The following PPP2R1A variants were observed in gnomAD, a reference collection of about 807,000 sequenced individuals.
PPP2R1A encodes the protein serine/threonine-protein phosphatase 2A 65 kDa regulatory subunit A alpha isoform.
PPP2R1A carries 15 observed loss-of-function variants against 67.1 expected under a neutral mutation model. That is an observed-to-expected ratio of 0.22 (90% CI 0.15 to 0.34). The LOEUF (loss-of-function observed/expected upper bound fraction) is 0.34. Among genes scored for constraint, PPP2R1A ranks in the 10% least tolerant of loss-of-function variants. The pLI is 1.00. For missense variants in PPP2R1A, 369 were observed against 775.0 expected (o/e 0.48, Z 6.22); for synonymous variants, 337 against 325.0 (o/e 1.04, Z -0.40).
intron 13 of PPP2R1A, 114 bp from the exon 14 acceptor site, chr19:52,225,603 G>T: frequency 1.2e-6 from 1 of 867,132 alleles, no homozygotes; most frequent in East Asian, 2.5e-5. Flanking sequence ...TCCCACCTTG[G>T]GTTTGGTGTA....
At position 52,212,480 on chromosome 19, in the gene PPP2R1A, CTA is replaced by C. The variant is rs767682383; in HGVS notation, c.504-204_504-203del. Reference sequence around the variant, plus strand: ...CAATCTGCGAAGTGTCTCACACACACTATTTTCATTTAAACCTCATGCGGACC... The same window carrying C: ...CAATCTGCGAAGTGTCTCACACACACTTTTCATTTAAACCTCATGCGGACC... On this transcript the variant is annotated intron_variant, in intron 4 of 14. Transcript: ENST00000322088. This position sits in a 1 kb window ranked among gnomAD's most constrained non-coding sequence, Gnocchi z 4.1. The C allele has an allele frequency of 1.7e-6, 1 of 599,784 alleles. No homozygotes were observed. Among genetic ancestry groups the C allele is most frequent in the Non-Finnish European group, 2.9e-6 (1 of 343,274 alleles). 37.2% of individuals were successfully genotyped at this position (599,784 alleles called of 1,614,324 possible).
rs1209765678 is a variant in PPP2R1A at position 52,226,230 on chromosome 19, C to G, written c.*249C>G. The G allele has an allele frequency of 6.9e-6, 4 of 580,702 alleles. No individual in the cohort carries two copies. The highest frequency in any genetic ancestry group is 1.2e-5 in the Non-Finnish European group (4 of 330,048). 36.0% of individuals were successfully genotyped at this position (580,702 alleles called of 1,614,324 possible). On this transcript the variant is annotated 3_prime_UTR_variant, in exon 15 of 15. Transcript: ENST00000322088. ...CTTGGGAGGAAGGGGCTACTCCGCC[C>G]ACGTCAGGGAGAGATGTGAGCATCC...
intron 9 of PPP2R1A, among the ~76,000 whole-genome samples, chr19:52,218,974 A>G (rs2122358042): frequency 6.6e-6 from 1 of 152,358 alleles, no homozygotes; most frequent in African/African-American, 2.4e-5. Flanking sequence ...TTTTAGATTT[A>G]TAAACTTTAT....
chr19:52,215,694 G>T (rs1978523927), intron 6 of PPP2R1A, 85 bp from the exon 7 acceptor site: 1 of 1,095,026 alleles, frequency 9.1e-7, no homozygotes, highest in African/African-American at 1.6e-5. Flanking sequence ...CCTAATTCTG[G>T]TGCCTTCACT....
In PPP2R1A at chr19:52,211,444, C is replaced by T. The variant is rs267605629; in HGVS notation, c.455C>T (p.Ser152Phe). The T allele has an allele frequency of 1.2e-6, 2 of 1,613,942 alleles. No individual in the cohort carries two copies. The highest frequency in any genetic ancestry group is 1.7e-6 in the Non-Finnish European group (2 of 1,180,004). ...CGCACCTCGGCCTGCGGCCTCTTCT[C>T]CGTCTGCTACCCCCGAGTGTCCAGT... ...TSRTSACGLF[S>F]VCYPRVSSAV... is the part of the protein sequence containing the mutation. The change falls in exon 4 of 15, where the codon TCC becomes TTC. Residue 152 changes from serine (S) to phenylalanine (F), a missense_variant. This residue lies in a region of PPP2R1A where 93 missense variants were observed against 266.5 expected (regional missense o/e 0.35). Coordinates refer to ENST00000322088, the MANE Select transcript of PPP2R1A (RefSeq NM_014225.6). This position sits in a 1 kb window ranked among gnomAD's most constrained non-coding sequence, Gnocchi z 5.3.
intron 13 of PPP2R1A, among the ~76,000 whole-genome samples, chr19:52,222,937 T>C (rs1979030506): frequency 6.6e-6 from 1 of 152,260 alleles, no homozygotes; most frequent in Non-Finnish European, 1.5e-5. Context: ...AACTCATCTT[T>C]AGATTCAGTA....
chr19:52,207,342 A>G (rs2089614679), intron 3 of PPP2R1A, among the ~76,000 whole-genome samples: 1 of 152,072 alleles, frequency 6.6e-6, no homozygotes, highest in Non-Finnish European at 1.5e-5. Context: ...AGGACTTAGG[A>G]GCAGAAGACA....
chr19:52,196,761 C>G (rs1320318056), intron 1 of PPP2R1A, among the ~76,000 whole-genome samples: 1 of 152,146 alleles, frequency 6.6e-6, no homozygotes, highest in South Asian at 2.1e-4. Context: ...CAGGCTCTTA[C>G]CATTATGCGC....
intron 2 of PPP2R1A, among the ~76,000 whole-genome samples, chr19:52,205,327 G>GGGT (rs1271973373): frequency 2.0e-5 from 3 of 152,174 alleles, no homozygotes; most frequent in Non-Finnish European, 4.4e-5. Context: ...CATTCTTTCA[G>GGGT]CAAACCTGAA....
rs941417349 is a variant in PPP2R1A at position 52,212,326 on chromosome 19, C to T, written c.504-360C>T. Among the ~76,000 whole-genome samples, 5 of 152,222 alleles carry T rather than the reference C, an allele frequency of 3.3e-5. No homozygotes were observed. The highest frequency in any genetic ancestry group is 7.3e-5 in the Non-Finnish European group (5 of 68,044). On this transcript the variant is annotated intron_variant, in intron 4 of 14. Coordinates refer to ENST00000322088, the MANE Select transcript of PPP2R1A (RefSeq NM_014225.6). This position sits in a 1 kb window ranked among gnomAD's most constrained non-coding sequence, Gnocchi z 4.1. ...TCTTGAACTCCTGGGCTCAAGCAAT[C>T]CTCCTGCCTTGGTCTTCCAAAGTGT... is the stretch of plus-strand genomic sequence containing the variant.
rs545276376 is a variant in PPP2R1A, at chr19:52,216,271, A to C, written c.993+197A>C. On this transcript the variant is annotated intron_variant, in intron 8 of 14. Transcript: ENST00000322088. This position sits in a 1 kb window ranked among gnomAD's most constrained non-coding sequence, Gnocchi z 4.3. ...CTTAAAGGTGGAAGTACTTTCTAGA[A>C]CCTCAGATGTCACTGAGTCCTGTCA... 1.5e-4 allele frequency among the ~76,000 whole-genome samples: 23 copies of C among 152,088 alleles called. No individual in the cohort carries two copies. The South Asian group carries it at 4.6e-3, about 30-fold the overall frequency.
chr19:52,193,879 A>C (rs947111650), intron 1 of PPP2R1A, among the ~76,000 whole-genome samples: 2 of 151,820 alleles, frequency 1.3e-5, no homozygotes, highest in African/African-American at 4.8e-5. Flanking sequence ...TGGAAGGCCA[A>C]GGTGAAAGGA....
Position 52,227,697 on chromosome 19 carries a change from G to A in PPP2R1A, c.*1716G>A, listed in dbSNP as rs187556385. ...CTTTGTTAGACTTTATTGTGCCCTA[G>A]GGGATGAGGCTGAAGGAGACCAAAA... On this transcript the variant is annotated 3_prime_UTR_variant, in exon 15 of 15. Transcript: ENST00000322088. The A allele has an allele frequency of 5.1e-4, 77 of 152,296 alleles. 1 individual carries two copies. The highest frequency in any genetic ancestry group is 1.7e-3 in the African/African-American group (69 of 41,558). 9.4% of individuals were successfully genotyped at this position (152,296 alleles called of 1,614,324 possible).
rs1282129688 is a variant in PPP2R1A, at chr19:52,219,792, G to C, written c.1230G>C (p.Glu410Asp). The C allele has an allele frequency of 6.2e-7, 1 of 1,613,892 alleles. No individual in the cohort carries two copies. The highest frequency in any genetic ancestry group is 1.3e-5 in the African/African-American group (1 of 74,954). ...LSQSLLPAIV[E>D]LAEDAKWRVR... Reference sequence around the variant, plus strand: ...AGTCCCTGCTCCCTGCCATTGTGGAGCTGGCTGAGGACGCCAAGTGGCGGG... The same window carrying C: ...AGTCCCTGCTCCCTGCCATTGTGGACCTGGCTGAGGACGCCAAGTGGCGGG... Residue 410 changes from glutamate to aspartate, a missense_variant, in exon 10 of 15, where the codon GAG becomes GAC. By Grantham distance (45) the Glu-to-Asp change is conservative. This residue lies in a region of PPP2R1A where 276 missense variants were observed against 508.4 expected (regional missense o/e 0.54). Coordinates refer to ENST00000322088, the MANE Select transcript of PPP2R1A (RefSeq NM_014225.6). The surrounding 1 kb of genome is among the most constrained non-coding windows in gnomAD (Gnocchi z 4.0).
At chr19:52,204,414 T>G (rs189848192) in intron 2 of PPP2R1A, among the ~76,000 whole-genome samples, 1 of 152,114 alleles carries the variant, frequency 6.6e-6, no homozygotes, top group African/African-American at 2.4e-5. Flanking sequence ...TGTTGCAGTC[T>G]CCCAGGCGAC....
chr19:52,201,419 G>T (rs1190027111), intron 1 of PPP2R1A: 2 of 152,660 alleles, frequency 1.3e-5, no homozygotes, highest in African/African-American at 4.8e-5. Context: ...CCTGCTCCAT[G>T]TGATCTTAGC....
rs1012758858 is a variant in PPP2R1A, at chr19:52,219,988, C to T, written c.1302+124C>T. The stretch of plus-strand genomic sequence containing the variant: ...AGGCTGTGACAACTGCCTGGGGAGT[C>T]GAAGGAAGGGACCCAGGAAATAGGG... On this transcript the variant is annotated intron_variant, in intron 10 of 14. Transcript: ENST00000322088. The surrounding 1 kb of genome is among the most constrained non-coding windows in gnomAD (Gnocchi z 4.0). 30 of 1,316,998 alleles carry T rather than the reference C, an allele frequency of 2.3e-5. No homozygotes were observed. Among genetic ancestry groups the T allele is most frequent in the African/African-American group, 1.5e-4 (10 of 67,522 alleles). The allele number at this position is 1,316,998 out of a possible 1,614,324, so 81.6% of individuals were successfully genotyped here.
chr19:52,221,246 G>A lies in PPP2R1A; in HGVS notation c.1518+113G>A, dbSNP rs1600173069. On this transcript the variant is annotated intron_variant, in intron 12 of 14. Transcript: ENST00000322088. ...CACCTGGCTTGGGAATGGAGACATG[G>A]AGTGCATCTTCTATCCAGAGATGAG... 3 of 1,434,560 alleles carry A rather than the reference G, an allele frequency of 2.1e-6. No individual in the cohort carries two copies. In the East Asian group the frequency reaches 6.9e-5, roughly 33 times the overall value. 88.9% of individuals were successfully genotyped at this position (1,434,560 alleles called of 1,614,324 possible).
At position 52,211,508 on chromosome 19, in the gene PPP2R1A, C is replaced by A; in HGVS notation, c.503+16C>A. Reference sequence around the variant, plus strand: ...AACTTCGACAGTGAGTCTCTGCCTCCTTGGAAGCTCCAAGCTCCCATCTCA... The same window carrying A: ...AACTTCGACAGTGAGTCTCTGCCTCATTGGAAGCTCCAAGCTCCCATCTCA... On this transcript the variant is annotated intron_variant, in intron 4 of 14. Transcript: ENST00000322088. This position sits in a 1 kb window ranked among gnomAD's most constrained non-coding sequence, Gnocchi z 5.3. 1 of 1,593,388 alleles carries A rather than the reference C, an allele frequency of 6.3e-7. No individual in the cohort carries two copies. Among genetic ancestry groups the A allele is most frequent in the Non-Finnish European group, 8.6e-7 (1 of 1,167,440 alleles).
Sources: gnomAD v4.1 joint callset for allele counts (sites outside exome capture counted in the v4.1 genomes callset) on GRCh38, gnomAD v4.1.1 for gene constraint, gnomAD v4.1.1 regional missense constraint, Gnocchi (gnomAD v3.1) non-coding constraint, MANE v1.5 for transcripts, NCBI Gene and HGNC (gene_info 2026-07-23, HGNC 2026-07-21) for gene names.